The following ZNF318 variants were observed in gnomAD, a reference collection of about 807,000 sequenced individuals.
The protein encoded by ZNF318 is zinc finger protein 318, also known as endocrine regulator.
Under a neutral mutation model 124.2 loss-of-function variants are expected in ZNF318, and 51 were observed. The ratio of observed to expected loss-of-function variants is 0.41; its 90% CI spans 0.33 to 0.52. ZNF318 has a LOEUF of 0.52. ZNF318 is among the 20% of genes least tolerant of loss of function. The pLI is 0.23. For missense variants in ZNF318, 2,815 were observed against 2,811.2 expected (o/e 1.00, Z -0.03); for synonymous variants, 1,090 against 1,040.7 (o/e 1.05, Z -0.91).
Position 43,342,758 on chromosome 6 carries a change from T to C in ZNF318, c.3194A>G (p.Asn1065Ser), listed in dbSNP as rs1211629888. The C allele has an allele frequency of 1.9e-6, 3 of 1,614,234 alleles. No homozygotes were observed. The highest frequency in any genetic ancestry group is 1.3e-5 in the African/African-American group (1 of 75,060). ...GGTGTTGCAGTCTTTGCACCAGTGA[T>C]TGCCAGCATCATAATACTCATAAGC... Reference protein sequence around the residue: ...TAAYEYYDAGNHWCKDCNTIC... With the variant: ...TAAYEYYDAGSHWCKDCNTIC... The change falls in exon 7 of 10, where the codon AAT becomes AGT. Residue 1065 changes from asparagine (N) to serine (S), a missense_variant. By Grantham distance (46) the Asn-to-Ser change is conservative. Transcript: ENST00000361428.
At position 43,336,399 on chromosome 6, in the gene ZNF318, A is replaced by C. The variant is rs575983469; in HGVS notation, c.*759T>G. 6 of 152,416 alleles carry C rather than the reference A, an allele frequency of 3.9e-5. No homozygotes were observed. Among genetic ancestry groups the C allele is most frequent in the African/African-American group, 7.2e-5 (3 of 41,464 alleles). 9.4% of individuals were successfully genotyped at this position (152,416 alleles called of 1,614,324 possible). On this transcript the variant is annotated 3_prime_UTR_variant, in exon 10 of 10. Transcript: ENST00000361428. ...CAAAAATAAAAGTGATCTCAAAAGCATATCTGCTCCTGGCAATGAACCATG... is the reference window on the plus strand; with the variant it reads ...CAAAAATAAAAGTGATCTCAAAAGCCTATCTGCTCCTGGCAATGAACCATG...
At chr6:43,352,352 G>A in intron 5 of ZNF318, 25 bp downstream of exon 5, 1 of 1,506,408 alleles carries the variant, frequency 6.6e-7, no homozygotes, top group Non-Finnish European at 8.9e-7. Context: ...ATTACAAAAA[G>A]GCAGTCATGC....
chr6:43,368,420 G>A (rs1581654331), intron 1 of ZNF318, among the ~76,000 whole-genome samples: 1 of 152,356 alleles, frequency 6.6e-6, no homozygotes, highest in Non-Finnish European at 1.5e-5. Flanking sequence ...ATAAGAGGTA[G>A]TGGCTATGGC....
At chr6:43,343,204 G>A (rs1779394812) in intron 6 of ZNF318, among the ~76,000 whole-genome samples, 1 of 152,162 alleles carries the variant, frequency 6.6e-6, no homozygotes, top group African/African-American at 2.4e-5. Context: ...AACAAGGATG[G>A]GTAGGAGTCT....
intron 6 of ZNF318, 149 bp downstream of exon 6, chr6:43,348,175 A>G (rs577709262): frequency 2.6e-6 from 2 of 772,472 alleles, no homozygotes; most frequent in Admixed American, 2.6e-5. Context: ...GAAATTCTGA[A>G]GAGGAGTACC....
intron 4 of ZNF318, among the ~76,000 whole-genome samples, chr6:43,354,096 C>T (rs1581645999): frequency 6.6e-6 from 1 of 151,960 alleles, no homozygotes; most frequent in Non-Finnish European, 1.5e-5. Flanking sequence ...CGTATACATA[C>T]ACACACATAC....
In ZNF318 at chr6:43,339,655, G is replaced by C; in HGVS notation, c.4343C>G (p.Pro1448Arg). The C allele has an allele frequency of 1.2e-6, 2 of 1,611,686 alleles. No homozygotes were observed. Among genetic ancestry groups the C allele is most frequent in the Non-Finnish European group, 8.5e-7 (1 of 1,179,372 alleles). ...EQILPPPPPPPPPPPPPPPVI... is the reference protein window; with the variant it reads ...EQILPPPPPPRPPPPPPPPVI... ...GGGGGGTGGTGGAGGTGGTGGAGGT[G>C]GGGGTGGTGGAGGAGGTGGTAGTAT... The change falls in exon 10 of 10, where the codon CCA becomes CGA. Residue 1448 changes from proline to arginine, a missense_variant. Transcript: ENST00000361428. This position sits in a 1 kb window ranked among gnomAD's most constrained non-coding sequence, Gnocchi z 4.2.
At position 43,365,344 on chromosome 6, in the gene ZNF318, G is replaced by T; in HGVS notation, c.496C>A (p.Arg166=). 6.2e-7 allele frequency: 1 copy of T among 1,614,166 alleles called. No homozygotes were observed. The highest frequency in any genetic ancestry group is 8.5e-7 in the Non-Finnish European group (1 of 1,180,020). The stretch of plus-strand genomic sequence containing the variant: ...GGTGACCCCAGCCGATCACTAAGCC[G>T]TCGCCGTTCTGGTGTGCTAACACAG... ...HFCVSTPERR[R]LSDRLGSPVD... The change falls in exon 2 of 10, where the codon CGG becomes AGG. Residue 166 remains arginine, a synonymous_variant. Coordinates refer to ENST00000361428, the MANE Select transcript of ZNF318 (RefSeq NM_014345.3).
Position 43,338,237 on chromosome 6 carries a change from G to A in ZNF318, c.5761C>T (p.Leu1921=). The A allele has an allele frequency of 6.2e-7, 1 of 1,614,086 alleles. No homozygotes were observed. Among genetic ancestry groups the A allele is most frequent in the Non-Finnish European group, 8.5e-7 (1 of 1,180,030 alleles). Residue 1921 remains leucine (L), a synonymous_variant, in exon 10 of 10, where the codon CTA becomes TTA. Transcript: ENST00000361428. ...GCTGATTCTGGAGCTGAATTCTCTA[G>A]CCCCTCCTCACTAACAACTGAAACT... ...QGVSVVSEEG[L]ENSAPESASR...
rs1000596621 is a variant in ZNF318 at position 43,339,392 on chromosome 6, C to T, written c.4606G>A (p.Val1536Ile). Residue 1536 changes from valine (V) to isoleucine (I), a missense_variant, in exon 10 of 10, where the codon GTA becomes ATA. Coordinates refer to ENST00000361428, the MANE Select transcript of ZNF318 (RefSeq NM_014345.3). The surrounding 1 kb of genome is among the most constrained non-coding windows in gnomAD (Gnocchi z 4.2). ...CTTGAGAGGGGTGGTGGAGGACGTA[C>T]TAACACAGAGAACAGGGTCTGGTCT... ...DRDQTLFSVL[V>I]RPPPPLSSVF... is the part of the protein sequence containing the mutation. The T allele has an allele frequency of 2.5e-6, 4 of 1,612,682 alleles. No homozygotes were observed. The highest frequency in any genetic ancestry group is 2.7e-5 in the African/African-American group (2 of 74,372).
chr6:43,355,512 T>C lies in ZNF318; in HGVS notation c.1822A>G (p.Ile608Val). ...TGGGTGCGTGCAGCCAATTGACTAATCTCTGCTACTCCAATATCCAGCCCT... is the reference window on the plus strand; with the variant it reads ...TGGGTGCGTGCAGCCAATTGACTAACCTCTGCTACTCCAATATCCAGCCCT... ...TIGLDIGVAE[I>V]SQLAARTQER... Residue 608 changes from isoleucine (I) to valine (V), a missense_variant, in exon 4 of 10, where the codon ATT (isoleucine) becomes GTT (valine). By Grantham distance (29) the Ile-to-Val change is conservative. This residue lies in a region of ZNF318 where 1,377 missense variants were observed against 1,353.5 expected (regional missense o/e 1.02). Transcript: ENST00000361428. 6.2e-7 allele frequency: 1 copy of C among 1,614,194 alleles called. No individual in the cohort carries two copies. The highest frequency in any genetic ancestry group is 8.5e-7 in the Non-Finnish European group (1 of 1,180,034).
At chr6:43,357,909 T>G in intron 2 of ZNF318, 144 bp from the exon 3 acceptor site, 1 of 733,572 alleles carries the variant, frequency 1.4e-6, no homozygotes. Flanking sequence ...ACATTTCCTC[T>G]CCCTTTCCCC....
At position 43,338,883 on chromosome 6, in the gene ZNF318, C is replaced by G. The variant is rs749507798; in HGVS notation, c.5115G>C (p.Gln1705His). 8.7e-6 allele frequency: 14 copies of G among 1,614,104 alleles called. No homozygotes were observed. The highest frequency in any genetic ancestry group is 8.3e-5 in the Admixed American group (5 of 60,018). Residue 1705 changes from glutamine to histidine, a missense_variant, in exon 10 of 10, where the codon CAG becomes CAC. Gln to His is a conservative substitution (Grantham distance 24, BLOSUM62 0). Transcript: ENST00000361428. ...GAGATATATCCCTACTAGTGTCACT[C>G]TGGAAGGAACTAGAGGTCCATATGG... Reference protein sequence around the residue: ...TLAIWTSSSFQSDTSRDISPE... With the variant: ...TLAIWTSSSFHSDTSRDISPE...
At position 43,338,864 on chromosome 6, in the gene ZNF318, T is replaced by G. The variant is rs148650984; in HGVS notation, c.5134A>C (p.Ile1712Leu). Residue 1712 changes from isoleucine (I) to leucine (L), a missense_variant, in exon 10 of 10, where the codon ATA (isoleucine) becomes CTA (leucine). By Grantham distance (5) the Ile-to-Leu change is conservative. This residue lies in a region of ZNF318 where 927 missense variants were observed against 820.6 expected (regional missense o/e 1.13). Coordinates refer to ENST00000361428, the MANE Select transcript of ZNF318 (RefSeq NM_014345.3). ...SSFQSDTSRDISPEKSELDLG... is the reference protein window; with the variant it reads ...SSFQSDTSRDLSPEKSELDLG... ...TCAAGCTCACTCTTCTCTGGAGATA[T>G]ATCCCTACTAGTGTCACTCTGGAAG... 1 of 1,614,146 alleles carries G rather than the reference T, an allele frequency of 6.2e-7. No homozygotes were observed.
At chr6:43,349,947 TCTTAAAA>T (rs1246071159) in intron 5 of ZNF318, among the ~76,000 whole-genome samples, 1 of 151,636 alleles carries the variant, frequency 6.6e-6, no homozygotes, top group Non-Finnish European at 1.5e-5. Flanking sequence ...AGACCCTGTC[TCTTAAAA>T]AAAAAGAAAA....
In ZNF318 at chr6:43,338,348, G is replaced by A. The variant is rs771930298; in HGVS notation, c.5650C>T (p.Pro1884Ser). The change falls in exon 10 of 10, where the codon CCT (proline) becomes TCT (serine). Residue 1884 changes from proline to serine, a missense_variant. This residue lies in a region of ZNF318 where 927 missense variants were observed against 820.6 expected (regional missense o/e 1.13). Transcript: ENST00000361428. ...ARSLLNPQDT[P>S]VKISAPELLL... The stretch of plus-strand genomic sequence containing the variant: ...AACTCTGGGGCAGAAATTTTCACAG[G>A]TGTATCTTGTGGGTTGAGTAAAGAC... 11 of 1,614,040 alleles carry A rather than the reference G, an allele frequency of 6.8e-6. No individual in the cohort carries two copies. Among genetic ancestry groups the A allele is most frequent in the Admixed American group, 6.7e-5 (4 of 60,008 alleles).
At chr6:43,356,368 A>G (rs1218797903) in intron 3 of ZNF318, among the ~76,000 whole-genome samples, 1 of 152,172 alleles carries the variant, frequency 6.6e-6, no homozygotes, top group African/African-American at 2.4e-5. Context: ...AACTGGATGG[A>G]ATCCTCACCT....
intron 5 of ZNF318, among the ~76,000 whole-genome samples, chr6:43,351,505 A>G (rs984151359): frequency 1.3e-5 from 2 of 152,182 alleles, no homozygotes; most frequent in African/African-American, 4.8e-5. Context: ...TCATGCCTGT[A>G]ATCTCAGCAC....
intron 5 of ZNF318, among the ~76,000 whole-genome samples, chr6:43,350,594 T>A (rs1236594070): frequency 6.6e-6 from 1 of 151,966 alleles, no homozygotes; most frequent in African/African-American, 2.4e-5. Flanking sequence ...TCCTAGCACT[T>A]TGGGAGGCTG....
Sources: allele counts gnomAD v4.1 joint callset (sites outside exome capture counted in the v4.1 genomes callset), GRCh38; gene constraint gnomAD v4.1.1; regional missense constraint gnomAD v4.1.1; non-coding constraint Gnocchi (gnomAD v3.1); transcripts MANE v1.5; gene names NCBI Gene and HGNC (gene_info 2026-07-23, HGNC 2026-07-21).